The following FURIN variants were observed in gnomAD, a reference collection of about 807,000 sequenced individuals.
The protein encoded by FURIN is FES upstream region.
A neutral mutation model predicts 89.2 loss-of-function variants in FURIN; 18 were observed. The observed-to-expected ratio is 0.20, with a 90% confidence interval of 0.14 to 0.30. The LOEUF is 0.30. Among genes scored for constraint, FURIN ranks in the 10% least tolerant of loss-of-function variants. FURIN has a pLI of 1.00. For synonymous variants in FURIN, 508 were observed against 466.4 expected (o/e 1.09, Z -1.15); for missense variants, 879 against 1,100.5 (o/e 0.80, Z 2.85).
In FURIN at chr15:90,877,507, T is replaced by C. The variant is rs1426030719; in HGVS notation, c.579-20T>C. 3 of 1,550,206 alleles carry C rather than the reference T, an allele frequency of 1.9e-6. No homozygotes were observed. The highest frequency in any genetic ancestry group is 2.7e-5 in the African/African-American group (2 of 73,394). On this transcript the variant is annotated intron_variant, in intron 6 of 15. Transcript: ENST00000268171. ...TTCACCCCATTTGTTCTACTCATGC[T>C]ACGTGCTTGGCCCTGGCAGGCACGG... is the stretch of plus-strand genomic sequence containing the variant.
In FURIN at chr15:90,879,442, A is replaced by C; in HGVS notation, c.1054-2A>C. 1 of 1,606,172 alleles carries C rather than the reference A, an allele frequency of 6.2e-7. No homozygotes were observed. ...GCCCCAATATGATTCTCTTCCTGGC[A>C]GGTGACGACTGACTTGCGGCAGAAG... On this transcript the variant is annotated splice_acceptor_variant, in intron 9 of 15. Coordinates refer to ENST00000268171, the MANE Select transcript of FURIN (RefSeq NM_002569.4). LOFTEE classifies it high-confidence loss of function.
chr15:90,878,643 A>T, intron 8 of FURIN, 121 bp from the exon 9 acceptor site: 3 of 632,610 alleles, frequency 4.7e-6, no homozygotes, highest in Non-Finnish European at 8.4e-6. Context: ...CAGGGATCTC[A>T]CAGGGGACAG....
Position 90,879,428 on chromosome 15 carries a change from A to T in FURIN, c.1054-16A>T, listed in dbSNP as rs757207788. The stretch of plus-strand genomic sequence containing the variant: ...TCCACCCATCACAGGCCCCAATATG[A>T]TTCTCTTCCTGGCAGGTGACGACTG... On this transcript the variant is annotated splice_polypyrimidine_tract_variant and intron_variant, in intron 9 of 15. Coordinates refer to ENST00000268171, the MANE Select transcript of FURIN (RefSeq NM_002569.4). 6.3e-7 allele frequency: 1 copy of T among 1,589,306 alleles called. No individual in the cohort carries two copies. The highest frequency in any genetic ancestry group is 8.6e-7 in the Non-Finnish European group (1 of 1,157,644).
At chr15:90,877,648 G>GGTGGCCC in intron 7 of FURIN, 33 bp downstream of exon 7, 1 of 1,449,642 alleles carries the variant, frequency 6.9e-7, no homozygotes, top group Non-Finnish European at 9.4e-7. Flanking sequence ...CTGTCTTCAG[G>GGTGGCCC]AGGGCCCTTC....
chr15:90,881,207 C>A lies in FURIN; in HGVS notation c.1793-79C>A. ...CTGGAGGATCCTGGGGATGTGGTGA[C>A]TTGGCTTGGGGCTGCTGTGGTCCTG... On this transcript the variant is annotated intron_variant, in intron 15 of 15. Transcript: ENST00000268171. The surrounding 1 kb of genome is among the most constrained non-coding windows in gnomAD (Gnocchi z 4.3). 1 of 1,259,580 alleles carries A rather than the reference C, an allele frequency of 7.9e-7. No homozygotes were observed. Among genetic ancestry groups the A allele is most frequent in the Non-Finnish European group, 1.1e-6 (1 of 889,570 alleles). 78.0% of individuals were successfully genotyped at this position (1,259,580 alleles called of 1,614,324 possible). A position where few individuals can be genotyped will look rare whatever the true frequency, so the allele number is the denominator to read the frequency against.
Position 90,878,115 on chromosome 15 carries a change from C to A in FURIN, c.668-17C>A. 1 of 1,613,254 alleles carries A rather than the reference C, an allele frequency of 6.2e-7. No homozygotes were observed. The highest frequency in any genetic ancestry group is 8.5e-7 in the Non-Finnish European group (1 of 1,179,876). On this transcript the variant is annotated splice_polypyrimidine_tract_variant and intron_variant, in intron 7 of 15. Coordinates refer to ENST00000268171, the MANE Select transcript of FURIN (RefSeq NM_002569.4). ...ACCCATGCAGCATCCCTCTTCGTGC[C>A]CCCCCTTCACGGCCAGGGGTGCGCA... is the stretch of plus-strand genomic sequence containing the variant.
At chr15:90,874,835 C>T (rs1403393753) in intron 1 of FURIN, among the ~76,000 whole-genome samples, 1 of 152,094 alleles carries the variant, frequency 6.6e-6, no homozygotes, top group Non-Finnish European at 1.5e-5. Flanking sequence ...CGTGTGTATC[C>T]TTCCAGATTT....
At position 90,881,686 on chromosome 15, in the gene FURIN, T is replaced by A. The variant is rs1468492211; in HGVS notation, c.2193T>A (p.Thr731=). Residue 731 remains threonine, a synonymous_variant, in exon 16 of 16, where the codon ACT becomes ACA. Transcript: ENST00000268171. The surrounding 1 kb of genome is among the most constrained non-coding windows in gnomAD (Gnocchi z 4.3). Reference sequence around the variant, plus strand: ...CCTTCATCGTGCTGGTCTTCGTCACTGTCTTCCTGGTCCTGCAGCTGCGCT... The same window carrying A: ...CCTTCATCGTGCTGGTCTTCGTCACAGTCTTCCTGGTCCTGCAGCTGCGCT... ...SCAFIVLVFV[T]VFLVLQLRSG... is the part of the protein sequence containing the mutation. 1.3e-6 allele frequency: 2 copies of A among 1,588,774 alleles called. No homozygotes were observed. Among genetic ancestry groups the A allele is most frequent in the African/African-American group, 2.7e-5 (2 of 74,402 alleles).
At position 90,879,850 on chromosome 15, in the gene FURIN, C is replaced by T. The variant is rs772774104; in HGVS notation, c.1259-17C>T. On this transcript the variant is annotated splice_polypyrimidine_tract_variant and intron_variant, in intron 11 of 15. Transcript: ENST00000268171. ...CTCTGTGCCTGACAGCTGACCCTAC[C>T]TTCCCTGTCCCCACAGTGAGCCACT... 57 of 1,610,358 alleles carry T rather than the reference C, an allele frequency of 3.5e-5. 1 individual carries two copies. The highest frequency in any genetic ancestry group is 6.8e-6 in the Non-Finnish European group (8 of 1,177,094).
Position 90,883,122 on chromosome 15 carries a change from A to C in FURIN, c.*1244A>C, listed in dbSNP as rs965903712. 6.6e-6 allele frequency: 1 copy of C among 152,666 alleles called. No individual in the cohort carries two copies. The highest frequency in any genetic ancestry group is 1.5e-5 in the Non-Finnish European group (1 of 68,124). The allele number at this position is 152,666 out of a possible 1,614,324, so 9.5% of individuals were successfully genotyped here. A position where few individuals can be genotyped will look rare whatever the true frequency, so the allele number is the denominator to read the frequency against. On this transcript the variant is annotated 3_prime_UTR_variant, in exon 16 of 16. Transcript: ENST00000268171. ...CCCCAACACTGTGCCCTGGTGGAGA[A>C]AGCACTGACCTGTCATGCCCCCCTC...
chr15:90,876,374 C>G lies in FURIN; in HGVS notation c.276+21C>G, dbSNP rs780147532. On this transcript the variant is annotated intron_variant, in intron 3 of 15. Coordinates refer to ENST00000268171, the MANE Select transcript of FURIN (RefSeq NM_002569.4). The surrounding 1 kb of genome is among the most constrained non-coding windows in gnomAD (Gnocchi z 5.0). ...CTCAAGTGAGTGTGGCCCCAGCCCCCTCCTGCTGCCACCCTCCCCCTCCTG... is the reference window on the plus strand; with the variant it reads ...CTCAAGTGAGTGTGGCCCCAGCCCCGTCCTGCTGCCACCCTCCCCCTCCTG... 1.3e-5 allele frequency: 20 copies of G among 1,563,706 alleles called. No individual in the cohort carries two copies. Among genetic ancestry groups the G allele is most frequent in the Non-Finnish European group, 1.6e-5 (18 of 1,134,430 alleles).
chr15:90,878,330 T>A, intron 8 of FURIN, 26 bp downstream of exon 8: 1 of 1,542,906 alleles, frequency 6.5e-7, no homozygotes, highest in African/African-American at 1.4e-5. Context: ...GTCCAGCCCC[T>A]GCGGGCAGGT....
chr15:90,878,771 G>A lies in FURIN; in HGVS notation c.848G>A (p.Gly283Glu). 1 of 1,601,780 alleles carries A rather than the reference G, an allele frequency of 6.2e-7. No individual in the cohort carries two copies. The highest frequency in any genetic ancestry group is 8.5e-7 in the Non-Finnish European group (1 of 1,169,878). The change falls in exon 9 of 16, where the codon GGG becomes GAG. Residue 283 changes from glycine (G) to glutamate (E), a missense_variant. Transcript: ENST00000268171. ...AGCCCACTCTGTCCACAGGGCCGAG[G>A]GGGGCTGGGCTCCATCTTTGTCTGG... The part of the protein sequence containing the change: ...AFFRGVSQGR[G>E]GLGSIFVWAS...
intron 1 of FURIN, among the ~76,000 whole-genome samples, chr15:90,870,227 A>C (rs911692776): frequency 2.0e-5 from 3 of 152,218 alleles, no homozygotes; most frequent in African/African-American, 7.2e-5. Context: ...CCAGCAAAAA[A>C]TAGTGCCCCA....
intron 1 of FURIN, among the ~76,000 whole-genome samples, chr15:90,870,897 A>G (rs1489779329): frequency 6.6e-6 from 1 of 152,252 alleles, no homozygotes; most frequent in Non-Finnish European, 1.5e-5. Flanking sequence ...AATCATGTAC[A>G]TAAGAAGGAG....
intron 1 of FURIN, among the ~76,000 whole-genome samples, chr15:90,871,129 C>T (rs2031265131): frequency 6.6e-6 from 1 of 152,182 alleles, no homozygotes; most frequent in African/African-American, 2.4e-5. Flanking sequence ...CCCAGGTCCG[C>T]CGTCCCTGGG....
At chr15:90,869,375 G>A (rs2031181730) in intron 1 of FURIN, among the ~76,000 whole-genome samples, 1 of 152,202 alleles carries the variant, frequency 6.6e-6, no homozygotes, top group Admixed American at 6.5e-5. Flanking sequence ...GTTGCAATGA[G>A]ATAAAGGCAG....
chr15:90,868,832 G>C (rs551569735), intron 1 of FURIN, 121 bp downstream of exon 1: 1 of 152,234 alleles, frequency 6.6e-6, no homozygotes, highest in Non-Finnish European at 1.5e-5. Context: ...TCGCAAATGT[G>C]ACCCTTTCAT....
At position 90,876,311 on chromosome 15, in the gene FURIN, G is replaced by A. The variant is rs772031020; in HGVS notation, c.234G>A (p.Ser78=). The change falls in exon 3 of 16, where the codon TCG becomes TCA. Residue 78 remains serine (S), a synonymous_variant. Coordinates refer to ENST00000268171, the MANE Select transcript of FURIN (RefSeq NM_002569.4). The surrounding 1 kb of genome is among the most constrained non-coding windows in gnomAD (Gnocchi z 5.0). ...WHRGVTKRSL[S]PHRPRHSRLQ... ...GAGGAGTGACGAAGCGGTCCCTGTC[G>A]CCTCACCGCCCGCGGCACAGCCGGC... is the stretch of plus-strand genomic sequence containing the variant. 2.5e-5 allele frequency: 41 copies of A among 1,612,806 alleles called. No homozygotes were observed. The highest frequency in any genetic ancestry group is 1.0e-4 in the Admixed American group (6 of 60,006).
Sources: allele counts gnomAD v4.1 joint callset (sites outside exome capture counted in the v4.1 genomes callset), GRCh38; gene constraint gnomAD v4.1.1; non-coding constraint Gnocchi (gnomAD v3.1); transcripts MANE v1.5; gene names NCBI Gene and HGNC (gene_info 2026-07-23, HGNC 2026-07-21).